Variants in PCCA observed in about 807,000 individuals in gnomAD.
PCCA encodes propionyl-CoA carboxylase alpha chain, mitochondrial.
PCCA carries 74 observed loss-of-function variants against 101.3 expected under a neutral mutation model. The observed-to-expected ratio is 0.73, with a 90% CI of 0.61 to 0.89. PCCA has a LOEUF of 0.89. PCCA is among the 40% of genes least tolerant of loss of function. The pLI, the probability that PCCA is intolerant of heterozygous loss-of-function variation, is 0.00. For missense variants in PCCA, 891 were observed against 907.0 expected, an observed-to-expected ratio of 0.98 and a Z score of 0.23; for synonymous variants, 294 against 313.6, an observed-to-expected ratio of 0.94 and a Z score of 0.66.
intron 21 of PCCA, among the ~76,000 whole-genome samples, chr13:100,482,631 C>T (rs941591784): frequency 6.6e-6 from 1 of 152,184 alleles, no homozygotes; most frequent in African/African-American, 2.4e-5. Flanking sequence ...GCTCGTTCCC[C>T]AAGCTGAAAT....
At chr13:100,376,869 A>G (rs1281062703) in intron 19 of PCCA, among the ~76,000 whole-genome samples, 1 of 152,164 alleles carries the variant, frequency 6.6e-6, no homozygotes, top group Non-Finnish European at 1.5e-5. Context: ...AAACTCCTGC[A>G]GCTAGCTTGG....
chr13:100,278,083 T>C (rs2063796022), intron 12 of PCCA, among the ~76,000 whole-genome samples: 1 of 152,228 alleles, frequency 6.6e-6, no homozygotes, highest in Non-Finnish European at 1.5e-5. Flanking sequence ...ATTTTGTGAC[T>C]ATCTTTAGAA....
intron 10 of PCCA, among the ~76,000 whole-genome samples, chr13:100,264,375 TAGAG>T (rs1017385820): frequency 1.3e-5 from 2 of 152,098 alleles, no homozygotes; most frequent in Non-Finnish European, 2.9e-5. Flanking sequence ...CAGGTCTAGA[TAGAG>T]AATGTCCCAT....
chr13:100,510,700 T>A (rs941317756), intron 21 of PCCA, among the ~76,000 whole-genome samples: 2 of 152,240 alleles, frequency 1.3e-5, no homozygotes, highest in Non-Finnish European at 2.9e-5. Context: ...TGGGCGCTGA[T>A]ATAAATAGAG....
At chr13:100,292,431 A>G (rs148721677) in intron 12 of PCCA, among the ~76,000 whole-genome samples, 1,676 of 152,284 alleles carry the variant, frequency 0.011, 15 homozygotes, top group Middle Eastern at 0.024. Flanking sequence ...CATTTGCTGT[A>G]TAGGATTGTC....
intron 16 of PCCA, among the ~76,000 whole-genome samples, chr13:100,325,169 G>C (rs2068523200): frequency 6.6e-6 from 1 of 152,092 alleles, no homozygotes; most frequent in Non-Finnish European, 1.5e-5. Context: ...TGAAAATCTT[G>C]CACTTTTTTG....
chr13:100,350,852 A>G (rs1199226208), intron 18 of PCCA, among the ~76,000 whole-genome samples: 1 of 152,150 alleles, frequency 6.6e-6, no homozygotes, highest in East Asian at 1.9e-4. Flanking sequence ...CACCATTGCC[A>G]TTGGAGAATT....
chr13:100,227,313 C>T (rs996788536), intron 7 of PCCA, among the ~76,000 whole-genome samples: 4 of 152,160 alleles, frequency 2.6e-5, no homozygotes, highest in African/African-American at 9.7e-5. Context: ...TTGGTTACCC[C>T]ACAGGCCATG....
At chr13:100,356,883 C>T (rs1384424231) in intron 18 of PCCA, among the ~76,000 whole-genome samples, 1 of 152,028 alleles carries the variant, frequency 6.6e-6, no homozygotes, top group East Asian at 1.9e-4. Flanking sequence ...GATTATTTTT[C>T]AGCAATAAAA....
intron 6 of PCCA, among the ~76,000 whole-genome samples, chr13:100,170,426 A>C (rs1432658857): frequency 2.0e-5 from 3 of 152,246 alleles, no homozygotes; most frequent in Admixed American, 2.0e-4. Context: ...GCAAAGAAGC[A>C]GAAATAATGA....
chr13:100,203,700 A>G (rs1221066008), intron 6 of PCCA, among the ~76,000 whole-genome samples: 2 of 152,164 alleles, frequency 1.3e-5, no homozygotes, highest in South Asian at 2.1e-4. Flanking sequence ...AACAAAAAAA[A>G]TTATGTTGGA....
intron 1 of PCCA, among the ~76,000 whole-genome samples, chr13:100,095,625 G>A (rs1175098363): frequency 1.3e-5 from 2 of 152,178 alleles, no homozygotes; most frequent in African/African-American, 4.8e-5. Context: ...GTGACTATAT[G>A]GGGGCCTAGC....
chr13:100,303,298 G>A (rs1422731318), intron 14 of PCCA, among the ~76,000 whole-genome samples: 1 of 152,134 alleles, frequency 6.6e-6, no homozygotes, highest in Non-Finnish European at 1.5e-5. Flanking sequence ...AATGAGAAAT[G>A]ATGTTTTGTG....
chr13:100,118,959 A>G (rs996995739), intron 4 of PCCA, among the ~76,000 whole-genome samples: 7 of 152,192 alleles, frequency 4.6e-5, no homozygotes. Flanking sequence ...TCTTCCCATT[A>G]TAATGGTACA....
intron 6 of PCCA, chr13:100,161,041 A>C (rs140778080): frequency 6.6e-6 from 1 of 152,412 alleles, no homozygotes; most frequent in Non-Finnish European, 1.5e-5. Context: ...CAGCGTTGAA[A>C]GCATAGGAGG....
chr13:100,331,772 C>T, intron 17 of PCCA, among the ~76,000 whole-genome samples: 1 of 151,442 alleles, frequency 6.6e-6, no homozygotes, highest in African/African-American at 2.4e-5. Flanking sequence ...ACTTTTGTGA[C>T]TATTCTTTTA....
intron 22 of PCCA, among the ~76,000 whole-genome samples, chr13:100,525,438 C>T (rs1271066006): frequency 6.6e-6 from 1 of 152,242 alleles, no homozygotes; most frequent in Non-Finnish European, 1.5e-5. Flanking sequence ...TCAGTGGCAG[C>T]CACAGCAGAG....
At chr13:100,430,637 C>G (rs1334618780) in intron 20 of PCCA, among the ~76,000 whole-genome samples, 1 of 152,170 alleles carries the variant, frequency 6.6e-6, no homozygotes, top group Non-Finnish European at 1.5e-5. Context: ...AAATAGACAT[C>G]TGTGTTATTT....
intron 19 of PCCA, among the ~76,000 whole-genome samples, chr13:100,424,433 G>C (rs1186074005): frequency 5.3e-5 from 8 of 152,094 alleles, no homozygotes; most frequent in Non-Finnish European, 1.2e-4. Flanking sequence ...TCACTGGTCA[G>C]AACTTCAGGA....
Sources: allele counts gnomAD v4.1 joint callset (sites outside exome capture counted in the v4.1 genomes callset), GRCh38; gene constraint gnomAD v4.1.1; transcripts MANE v1.5; gene names NCBI Gene and HGNC (gene_info 2026-07-23, HGNC 2026-07-21).